Variants in PPP3CC observed in about 807,000 individuals in gnomAD.
The protein encoded by PPP3CC is protein phosphatase 3 catalytic subunit gamma, also known as serine/threonine-protein phosphatase 2B catalytic subunit gamma isoform.
A neutral mutation model predicts 60.3 loss-of-function variants in PPP3CC; 35 were observed. The ratio of observed to expected loss-of-function variants is 0.58; its 90% CI spans 0.44 to 0.77. The LOEUF is 0.77. PPP3CC is among the 30% of genes least tolerant of loss of function. The pLI, the probability that PPP3CC is intolerant of heterozygous loss-of-function variation, is 0.00. For missense variants in PPP3CC, 570 were observed against 628.9 expected, an observed-to-expected ratio of 0.91 and a Z score of 1.00; for synonymous variants, 206 against 224.3, an observed-to-expected ratio of 0.92 and a Z score of 0.73.
At chr8:22,527,228 T>C (rs1467820935) in intron 8 of PPP3CC, among the ~76,000 whole-genome samples, 164 bp from the exon 9 acceptor site, 1 of 152,214 alleles carries the variant, frequency 6.6e-6, no homozygotes. Context: ...ATGAACTGAA[T>C]AAAAGGCTTT....
chr8:22,478,227 G>C (rs897528356), intron 3 of PPP3CC, among the ~76,000 whole-genome samples: 1 of 151,480 alleles, frequency 6.6e-6, no homozygotes, highest in Non-Finnish European at 1.5e-5. Context: ...TCTTGGCTCA[G>C]TGCAACCTAT....
intron 3 of PPP3CC, among the ~76,000 whole-genome samples, chr8:22,492,361 A>G (rs1398224373): frequency 1.3e-5 from 2 of 152,200 alleles, no homozygotes; most frequent in Admixed American, 1.3e-4. Flanking sequence ...AAGGCCTAAG[A>G]CATTGCTGTA....
At chr8:22,534,562 A>G (rs1346981862) in intron 12 of PPP3CC, among the ~76,000 whole-genome samples, 1 of 152,182 alleles carries the variant, frequency 6.6e-6, no homozygotes, top group Non-Finnish European at 1.5e-5. Flanking sequence ...ACATATGTCT[A>G]CCCTGTAACC....
intron 3 of PPP3CC, among the ~76,000 whole-genome samples, chr8:22,481,016 C>T (rs1442907235): frequency 6.6e-6 from 1 of 152,194 alleles, no homozygotes; most frequent in Admixed American, 6.5e-5. Context: ...CTGATCAAAA[C>T]AGAATCACAC....
chr8:22,539,890 G>T (rs1839921948), intron 13 of PPP3CC, among the ~76,000 whole-genome samples: 1 of 152,258 alleles, frequency 6.6e-6, no homozygotes, highest in South Asian at 2.1e-4. Flanking sequence ...AGCAGAGGCA[G>T]AAGTAGACTG....
intron 12 of PPP3CC, among the ~76,000 whole-genome samples, chr8:22,535,692 T>G (rs1267529813): frequency 6.6e-6 from 1 of 152,192 alleles, no homozygotes; most frequent in Non-Finnish European, 1.5e-5. Context: ...CTTTTTCTTT[T>G]GTAGAAATTT....
At chr8:22,536,791 A>G (rs2117159395) in intron 12 of PPP3CC, among the ~76,000 whole-genome samples, 1 of 152,340 alleles carries the variant, frequency 6.6e-6, no homozygotes, top group East Asian at 1.9e-4. Flanking sequence ...TTGTTCATAT[A>G]ACTTAACTTG....
At chr8:22,484,610 G>C (rs551631252) in intron 3 of PPP3CC, among the ~76,000 whole-genome samples, 9 of 152,316 alleles carry the variant, frequency 5.9e-5, no homozygotes, top group South Asian at 2.1e-4. Context: ...ACACAGAATA[G>C]TTAATTGTGG....
chr8:22,501,502 G>GT (rs1347710985), intron 4 of PPP3CC, among the ~76,000 whole-genome samples: 2 of 152,194 alleles, frequency 1.3e-5, no homozygotes, highest in Non-Finnish European at 1.5e-5. Context: ...GGCAGTCCTT[G>GT]TAACTGTAGG....
chr8:22,477,357 A>G (rs879655793), intron 3 of PPP3CC, among the ~76,000 whole-genome samples: 1 of 151,850 alleles, frequency 6.6e-6, no homozygotes, highest in Non-Finnish European at 1.5e-5. Context: ...GGCGCCTGTA[A>G]TCCCAGCTAC....
In PPP3CC at chr8:22,449,868, CT is replaced by C. The variant is rs764100960; in HGVS notation, c.49+8426del. Among the ~76,000 whole-genome samples the C allele has an allele frequency of 9.6e-3, 1,288 of 134,846 alleles. 16 individuals are homozygous for C. Among genetic ancestry groups the C allele is most frequent in the African/African-American group, 0.031 (1,149 of 36,940 alleles). The allele number at this position is 134,846 out of a possible 152,430, so 88.5% of individuals were successfully genotyped here. On this transcript the variant is annotated intron_variant, in intron 1 of 13. Coordinates refer to ENST00000240139, the MANE Select transcript of PPP3CC (RefSeq NM_005605.5). The stretch of plus-strand genomic sequence containing the variant: ...TTGATGACTGTTATTTTTTTCTTTT[CT>C]TTTTTTTTTTTTTTTCTGAGACAGA...
intron 3 of PPP3CC, among the ~76,000 whole-genome samples, chr8:22,476,995 G>A (rs887756755): frequency 6.6e-6 from 1 of 151,084 alleles, no homozygotes; most frequent in Non-Finnish European, 1.5e-5. Context: ...AGTGTCAAAT[G>A]TGAGGACAAA....
intron 1 of PPP3CC, among the ~76,000 whole-genome samples, chr8:22,464,153 T>C (rs1837446795): frequency 6.6e-6 from 1 of 152,072 alleles, no homozygotes; most frequent in African/African-American, 2.4e-5. Context: ...TCCTTATGAT[T>C]TGTGAGGTTT....
intron 6 of PPP3CC, among the ~76,000 whole-genome samples, chr8:22,514,028 T>A (rs1452475970): frequency 1.3e-5 from 2 of 152,214 alleles, no homozygotes; most frequent in South Asian, 4.1e-4. Context: ...GGCGGATCAC[T>A]TAAGGCCAGG....
At chr8:22,513,212 GTTT>G in intron 5 of PPP3CC, 78 bp from the exon 6 acceptor site, 2 of 1,408,788 alleles carry the variant, frequency 1.4e-6, no homozygotes, top group Non-Finnish European at 1.9e-6. Flanking sequence ...GGTGAAAGGG[GTTT>G]TTCTTTGACA....
At chr8:22,540,470 C>A in intron 13 of PPP3CC, 145 bp from the exon 14 acceptor site, 2 of 735,778 alleles carry the variant, frequency 2.7e-6, no homozygotes, top group East Asian at 2.6e-5. Context: ...TCAGACATTG[C>A]CCATGACTTT....
chr8:22,526,329 C>T lies in PPP3CC; in HGVS notation c.944-1063C>T, dbSNP rs376199447. ...TCATTCACTGTTGAGACTCACCTCC[C>T]ACTTCTTTTTCCTGGGTAGAAATTG... is the stretch of plus-strand genomic sequence containing the variant. On this transcript the variant is annotated intron_variant, in intron 8 of 13. Transcript: ENST00000240139. 1.1e-4 allele frequency among the ~76,000 whole-genome samples: 17 copies of T among 152,290 alleles called. 1 individual carries two copies. Among genetic ancestry groups the T allele is most frequent in the African/African-American group, 3.6e-4 (15 of 41,558 alleles).
In PPP3CC at chr8:22,491,332, C is replaced by T. The variant is rs566673276; in HGVS notation, c.373-6669C>T. Among the ~76,000 whole-genome samples, 200 of 152,274 alleles carry T rather than the reference C, an allele frequency of 1.3e-3. 1 individual carries two copies. Among genetic ancestry groups the T allele is most frequent in the Non-Finnish European group, 2.4e-3 (166 of 68,014 alleles). ...AGAATTCCTATTTCCTCACATCCCT[C>T]CTTCCAGAATATGATTTTATCTCAT... On this transcript the variant is annotated intron_variant, in intron 3 of 13. Coordinates refer to ENST00000240139, the MANE Select transcript of PPP3CC (RefSeq NM_005605.5).
intron 3 of PPP3CC, among the ~76,000 whole-genome samples, chr8:22,492,174 G>A (rs763125359): frequency 6.6e-6 from 1 of 151,938 alleles, no homozygotes; most frequent in Non-Finnish European, 1.5e-5. Flanking sequence ...GCTGAATACT[G>A]TAGGCAGTTG....
Sources: allele counts gnomAD v4.1 joint callset (sites outside exome capture counted in the v4.1 genomes callset), GRCh38; gene constraint gnomAD v4.1.1; transcripts MANE v1.5; gene names NCBI Gene and HGNC (gene_info 2026-07-23, HGNC 2026-07-21).